Variants in CORIN observed in about 807,000 individuals in gnomAD.
CORIN encodes the protein corin, serine peptidase.
Under a neutral mutation model 125.3 loss-of-function variants are expected in CORIN, and 117 were observed. That is an observed-to-expected ratio of 0.93 (90% CI 0.80 to 1.09). The LOEUF (loss-of-function observed/expected upper bound fraction) is 1.09. Ranked by LOEUF, CORIN falls within the 50% of genes least tolerant of loss-of-function variation. The pLI, the probability that CORIN is intolerant of heterozygous loss-of-function variation, is 0.00. For synonymous variants in CORIN, 450 were observed against 466.4 expected (o/e 0.96, Z 0.45); for missense variants, 1,253 against 1,306.7 (o/e 0.96, Z 0.63).
At chr4:47,622,329 T>C (rs1275054749) in intron 19 of CORIN, among the ~76,000 whole-genome samples, 42 of 150,192 alleles carry the variant, frequency 2.8e-4, no homozygotes, top group Admixed American at 9.3e-4. Flanking sequence ...TGTGTCTTTA[T>C]AGCAGCATGA....
intron 4 of CORIN, among the ~76,000 whole-genome samples, chr4:47,758,626 CT>C (rs1377071334): frequency 6.6e-6 from 1 of 152,184 alleles, no homozygotes; most frequent in Non-Finnish European, 1.5e-5. Context: ...CAAATCTCAT[CT>C]TAAATTGTAG....
chr4:47,800,884 T>TC (rs1731511201), intron 2 of CORIN, among the ~76,000 whole-genome samples: 1 of 152,096 alleles, frequency 6.6e-6, no homozygotes, highest in Non-Finnish European at 1.5e-5. Flanking sequence ...CTGTTTGTCT[T>TC]CCCCTTAAAC....
chr4:47,796,809 C>G (rs1019230077), intron 2 of CORIN, among the ~76,000 whole-genome samples: 2 of 152,006 alleles, frequency 1.3e-5, no homozygotes, highest in Admixed American at 1.3e-4. Flanking sequence ...CAGACCCTGT[C>G]ACTCTCTTAT....
chr4:47,773,083 A>G (rs1730136705), intron 3 of CORIN, among the ~76,000 whole-genome samples: 1 of 152,200 alleles, frequency 6.6e-6, no homozygotes, highest in South Asian at 2.1e-4. Flanking sequence ...TTGAGTCTCT[A>G]CTATACAAAG....
intron 10 of CORIN, among the ~76,000 whole-genome samples, chr4:47,671,985 T>C (rs556415776): frequency 6.6e-6 from 1 of 152,236 alleles, no homozygotes; most frequent in African/African-American, 2.4e-5. Context: ...TTGCTGAATA[T>C]ATGTGGAGAG....
At chr4:47,744,220 G>T (rs975826792) in intron 5 of CORIN, among the ~76,000 whole-genome samples, 182 bp downstream of exon 5, 4 of 151,642 alleles carry the variant, frequency 2.6e-5, no homozygotes, top group Non-Finnish European at 5.9e-5. Flanking sequence ...CAGGCAGCGG[G>T]CTTGAAGGCA....
At chr4:47,683,609 A>G (rs1725383254) in intron 7 of CORIN, 122 bp downstream of exon 7, 7 of 683,134 alleles carry the variant, frequency 1.0e-5, no homozygotes, top group Non-Finnish European at 1.4e-5. Flanking sequence ...TCTAAAAAAC[A>G]AGAAACCAAT....
intron 1 of CORIN, among the ~76,000 whole-genome samples, chr4:47,836,878 G>A (rs983880791): frequency 4.6e-5 from 7 of 152,226 alleles, no homozygotes; most frequent in Non-Finnish European, 7.3e-5. Context: ...CGCCCGCACA[G>A]CCTGCCCTCT....
chr4:47,764,692 T>C (rs1327657410), intron 3 of CORIN, among the ~76,000 whole-genome samples: 1 of 152,192 alleles, frequency 6.6e-6, no homozygotes, highest in Non-Finnish European at 1.5e-5. Context: ...GTAATTTCCA[T>C]TACTTAGAGC....
In CORIN at chr4:47,701,836, G is replaced by A. The variant is rs189567014; in HGVS notation, c.800-8753C>T. Reference sequence around the variant, plus strand: ...AAGGAAGGGCGGGAGGGAGGGGTGAGGGAGAAGTCCTAAATATGACCTGGA... The same window carrying A: ...AAGGAAGGGCGGGAGGGAGGGGTGAAGGAGAAGTCCTAAATATGACCTGGA... On this transcript the variant is annotated intron_variant, in intron 5 of 21. Transcript: ENST00000273857. Among the ~76,000 whole-genome samples the A allele has an allele frequency of 1.3e-4, 20 of 151,968 alleles. No individual in the cohort carries two copies. In the East Asian group the frequency reaches 3.7e-3, roughly 28 times the overall value.
At chr4:47,807,157 G>A (rs537663886) in intron 1 of CORIN, 110 bp from the exon 2 acceptor site, 1 of 816,658 alleles carries the variant, frequency 1.2e-6, no homozygotes, top group African/African-American at 1.7e-5. Context: ...AGATTTTACA[G>A]TTTGTGGTTT....
chr4:47,697,170 C>T (rs996970929), intron 5 of CORIN, among the ~76,000 whole-genome samples: 7 of 152,056 alleles, frequency 4.6e-5, no homozygotes, highest in Non-Finnish European at 1.0e-4. Flanking sequence ...AATCTTTCAG[C>T]GGCTGATACA....
chr4:47,647,869 A>G (rs937376220), intron 13 of CORIN, among the ~76,000 whole-genome samples: 1 of 152,198 alleles, frequency 6.6e-6, no homozygotes, highest in Admixed American at 6.5e-5. Flanking sequence ...AAGTTACTTA[A>G]CTTCTCCAAA....
At chr4:47,615,183 A>C (rs540228455) in intron 19 of CORIN, among the ~76,000 whole-genome samples, 1 of 152,220 alleles carries the variant, frequency 6.6e-6, no homozygotes, top group Non-Finnish European at 1.5e-5. Context: ...CCAGTGAGTG[A>C]TGGGAGACTA....
intron 1 of CORIN, among the ~76,000 whole-genome samples, chr4:47,817,775 C>G (rs544353407): frequency 6.6e-6 from 1 of 152,142 alleles, no homozygotes; most frequent in Non-Finnish European, 1.5e-5. Context: ...GATCTCAATC[C>G]TTAAGATGCA....
At chr4:47,630,013 T>C (rs932444567) in intron 16 of CORIN, among the ~76,000 whole-genome samples, 3 of 152,136 alleles carry the variant, frequency 2.0e-5, no homozygotes, top group African/African-American at 7.2e-5. Flanking sequence ...TTCTCCCCCA[T>C]TGACAGCACA....
chr4:47,780,940 T>A (rs1730516872), intron 3 of CORIN, among the ~76,000 whole-genome samples: 1 of 144,826 alleles, frequency 6.9e-6, no homozygotes. Flanking sequence ...ACAAAGGAAA[T>A]GAAAAAGGAA....
At chr4:47,718,368 A>T (rs1035701517) in intron 5 of CORIN, among the ~76,000 whole-genome samples, 3 of 152,214 alleles carry the variant, frequency 2.0e-5, no homozygotes, top group Non-Finnish European at 2.9e-5. Context: ...GTCAGAGAAT[A>T]TCCTGAAATG....
chr4:47,685,368 G>A (rs1443113653), intron 6 of CORIN, among the ~76,000 whole-genome samples: 1 of 152,118 alleles, frequency 6.6e-6, no homozygotes, highest in East Asian at 1.9e-4. Flanking sequence ...GTGACAGTAT[G>A]GATGAACCCC....
Sources: gnomAD v4.1 joint callset for allele counts (sites outside exome capture counted in the v4.1 genomes callset) on GRCh38, gnomAD v4.1.1 for gene constraint, MANE v1.5 for transcripts, NCBI Gene and HGNC (gene_info 2026-07-23, HGNC 2026-07-21) for gene names.